CALN1: variants seen among roughly 807,000 people sequenced by gnomAD.
CALN1 encodes calneuron 1.
Under a neutral mutation model 30.6 loss-of-function variants are expected in CALN1, and 17 were observed. The ratio of observed to expected loss-of-function variants is 0.56; its 90% CI spans 0.38 to 0.83. The LOEUF is 0.83. CALN1 is among the 40% of genes least tolerant of loss of function. The pLI is 0.00. For missense variants in CALN1, 291 were observed against 354.9 expected, an observed-to-expected ratio of 0.82 and a Z score of 1.45; for synonymous variants, 156 against 131.4, an observed-to-expected ratio of 1.19 and a Z score of -1.28.
chr7:72,334,472 A>G lies in CALN1; in HGVS notation c.120-55662T>C, dbSNP rs79841856. On this transcript the variant is annotated intron_variant, in intron 2 of 6. Transcript: ENST00000395275. ...GGATCAGAAGCTACCCACTGGAGAGATAAATGTAAAACTCAACAATGAACA... is the reference window on the plus strand; with the variant it reads ...GGATCAGAAGCTACCCACTGGAGAGGTAAATGTAAAACTCAACAATGAACA... Among the ~76,000 whole-genome samples, 528 of 152,294 alleles carry G rather than the reference A, an allele frequency of 3.5e-3. 4 individuals are homozygous for G. Among genetic ancestry groups the G allele is most frequent in the Middle Eastern group, 0.017 (5 of 294 alleles).
chr7:72,272,893 C>G (rs1204112870), intron 3 of CALN1, among the ~76,000 whole-genome samples: 2 of 152,084 alleles, frequency 1.3e-5, no homozygotes, highest in African/African-American at 4.8e-5. Context: ...CCTGGGTTAT[C>G]TATACAGCAC....
At chr7:72,384,150 G>A (rs1805069973) in intron 2 of CALN1, among the ~76,000 whole-genome samples, 1 of 152,158 alleles carries the variant, frequency 6.6e-6, no homozygotes, top group Non-Finnish European at 1.5e-5. Flanking sequence ...ATTACTGGCA[G>A]GGGACATTTT....
intron 2 of CALN1, among the ~76,000 whole-genome samples, chr7:72,342,440 T>A (rs1802428290): frequency 6.6e-6 from 1 of 152,192 alleles, no homozygotes; most frequent in African/African-American, 2.4e-5. Flanking sequence ...TCAAAATGTG[T>A]CAGCTCCTTC....
At chr7:72,058,142 G>T (rs1404786363) in intron 4 of CALN1, among the ~76,000 whole-genome samples, 1 of 151,766 alleles carries the variant, frequency 6.6e-6, no homozygotes, top group Non-Finnish European at 1.5e-5. Context: ...AAATAATCAC[G>T]CCACGTTAAA....
At chr7:72,036,815 G>A (rs1007765102) in intron 4 of CALN1, among the ~76,000 whole-genome samples, 4 of 148,086 alleles carry the variant, frequency 2.7e-5, no homozygotes, top group African/African-American at 9.9e-5. Context: ...TTTTTCCTTT[G>A]AATGGGCCAT....
At chr7:72,305,174 T>C (rs1785270014) in intron 2 of CALN1, among the ~76,000 whole-genome samples, 1 of 152,190 alleles carries the variant, frequency 6.6e-6, no homozygotes, top group Admixed American at 6.5e-5. Context: ...TTGATTTTGA[T>C]TGGGACTGGC....
the CALN1 span, among the ~76,000 whole-genome samples, chr7:72,462,228 C>A: frequency 1.3e-5 from 2 of 152,174 alleles, no homozygotes; most frequent in Admixed American, 1.3e-4. Context: ...GTCACCTAGG[C>A]TGGAGTGCAA....
chr7:72,219,147 G>C (rs1226580036), intron 3 of CALN1, among the ~76,000 whole-genome samples: 1 of 152,198 alleles, frequency 6.6e-6, no homozygotes, highest in African/African-American at 2.4e-5. Context: ...GTGACCCTAA[G>C]ATCTGACCAC....
the CALN1 span, among the ~76,000 whole-genome samples, chr7:72,491,348 C>T: frequency 1.3e-5 from 2 of 152,010 alleles, no homozygotes; most frequent in Non-Finnish European, 2.9e-5. Context: ...GCGGGAAGAT[C>T]AGTTGAGGCC....
chr7:71,858,733 T>G (rs1562846653), intron 5 of CALN1, among the ~76,000 whole-genome samples: 3 of 152,180 alleles, frequency 2.0e-5, no homozygotes, highest in African/African-American at 7.2e-5. Flanking sequence ...AATCTACCTA[T>G]GACCTGGAAG....
the CALN1 span, among the ~76,000 whole-genome samples, chr7:72,473,927 T>TA: frequency 4.3e-3 from 582 of 135,004 alleles, 4 homozygotes; most frequent in African/African-American, 0.013. Context: ...AGACTCTGTT[T>TA]AAAAAAAAAA....
intron 5 of CALN1, among the ~76,000 whole-genome samples, chr7:71,916,432 A>G (rs1006423013): frequency 1.3e-5 from 2 of 152,036 alleles, no homozygotes; most frequent in African/African-American, 2.4e-5. Context: ...AAAGGCATCA[A>G]TGATTTTCTG....
rs556059962 is a variant in CALN1 at position 72,061,620 on chromosome 7, A to C, written c.389-37851T>G. Among the ~76,000 whole-genome samples, 77 of 152,096 alleles carry C rather than the reference A, an allele frequency of 5.1e-4. 1 individual carries two copies. The South Asian group carries it at 0.016, about 31-fold the overall frequency. On this transcript the variant is annotated intron_variant, in intron 4 of 6. Coordinates refer to ENST00000395275, the MANE Select transcript of CALN1 (RefSeq NM_031468.4). ...TAGTGAATTTGAAGATAGGTCAATAAAAAATGTGAGTCTTTCTCCTCTTCT... is the reference window on the plus strand; with the variant it reads ...TAGTGAATTTGAAGATAGGTCAATACAAAATGTGAGTCTTTCTCCTCTTCT...
chr7:72,429,185 G>GTCAA (rs1165815075), intron 1 of CALN1, among the ~76,000 whole-genome samples: 1 of 152,196 alleles, frequency 6.6e-6, no homozygotes, highest in Non-Finnish European at 1.5e-5. Flanking sequence ...CAAGAGGAAA[G>GTCAA]TCAATCAATG....
chr7:72,024,210 A>C (rs1800902145), intron 4 of CALN1, among the ~76,000 whole-genome samples: 2 of 152,114 alleles, frequency 1.3e-5, no homozygotes, highest in Admixed American at 6.6e-5. Context: ...TATCTTCCTC[A>C]TTACTCAATG....
intron 2 of CALN1, among the ~76,000 whole-genome samples, chr7:72,381,872 A>AAGAAT (rs1470028790): frequency 3.3e-5 from 5 of 152,216 alleles, no homozygotes. Context: ...ATTTTAGAAA[A>AAGAAT]AGAATTATAG....
intron 1 of CALN1, among the ~76,000 whole-genome samples, chr7:72,419,622 G>A (rs1807544377): frequency 6.6e-6 from 1 of 152,044 alleles, no homozygotes; most frequent in Non-Finnish European, 1.5e-5. Context: ...TGGAGCCTCG[G>A]CCCTAAGTGG....
At chr7:72,120,957 G>T (rs2129542197) in intron 3 of CALN1, among the ~76,000 whole-genome samples, 1 of 151,986 alleles carries the variant, frequency 6.6e-6, no homozygotes, top group South Asian at 2.1e-4. Context: ...GGGCTCCCCT[G>T]AAAAGGGAGA....
intron 2 of CALN1, among the ~76,000 whole-genome samples, chr7:72,291,958 G>A (rs1233738084): frequency 1.3e-5 from 2 of 151,378 alleles, no homozygotes; most frequent in African/African-American, 2.4e-5. Context: ...AGCAGATAGG[G>A]GCCACCGCAC....
Sources: allele counts gnomAD v4.1 joint callset (sites outside exome capture counted in the v4.1 genomes callset), GRCh38; gene constraint gnomAD v4.1.1; transcripts MANE v1.5; gene names NCBI Gene and HGNC (gene_info 2026-07-23, HGNC 2026-07-21).